The following PIK3CD variants were observed in gnomAD, a reference collection of about 807,000 sequenced individuals.
PIK3CD encodes phosphatidylinositol-4,5-bisphosphate 3-kinase catalytic subunit delta, also known as phosphatidylinositol 4,5-bisphosphate 3-kinase catalytic subunit delta isoform.
In PIK3CD, 20 loss-of-function variants were observed where a neutral mutation model predicts 122.9. The ratio of observed to expected loss-of-function variants is 0.16; its 90% CI spans 0.11 to 0.24. The LOEUF (loss-of-function observed/expected upper bound fraction) is 0.24, where lower values mean the gene tolerates loss of function less well. Among genes scored for constraint, PIK3CD ranks in the 10% least tolerant of loss-of-function variants. The pLI is 1.00. For synonymous variants in PIK3CD, 596 were observed against 593.4 expected, an observed-to-expected ratio of 1.00 and a Z score of -0.06; for missense variants, 787 against 1,406.3, an observed-to-expected ratio of 0.56 and a Z score of 7.04.
chr1:9,724,433 T>C lies in PIK3CD; in HGVS notation c.2864+12T>C, dbSNP rs1353377267. On this transcript the variant is annotated intron_variant, in intron 22 of 23. Coordinates refer to ENST00000377346, the MANE Select transcript of PIK3CD (RefSeq NM_005026.5). This position sits in a 1 kb window ranked among gnomAD's most constrained non-coding sequence, Gnocchi z 7.3. ...GAGAAATTTGAACGGTGAGAGTGCC[T>C]GAGCCCCACCAGATGCCCCTCGGTG... is the stretch of plus-strand genomic sequence containing the variant. 5 of 1,613,950 alleles carry C rather than the reference T, an allele frequency of 3.1e-6. No homozygotes were observed. The highest frequency in any genetic ancestry group is 2.5e-6 in the Non-Finnish European group (3 of 1,179,986).
At chr1:9,695,461 G>A (rs1056937471) in intron 2 of PIK3CD, among the ~76,000 whole-genome samples, 9 of 152,144 alleles carry the variant, frequency 5.9e-5, no homozygotes, top group African/African-American at 2.2e-4. Context: ...CAGAGATAGA[G>A]AGAAGTTACT....
chr1:9,638,432 TA>T, the PIK3CD span, among the ~76,000 whole-genome samples: 1 of 151,960 alleles, frequency 6.6e-6, no homozygotes, highest in Admixed American at 6.6e-5. Flanking sequence ...TCCGATGCTA[TA>T]AAAACTTCAA....
At chr1:9,647,002 T>C (rs1045406636), upstream of PIK3CD, among the ~76,000 whole-genome samples, 4 of 151,172 alleles carry the variant, frequency 2.6e-5, no homozygotes, top group African/African-American at 7.3e-5. Context: ...TCCCAACTAC[T>C]TGGGAGGCTG....
rs539876583 is a variant in PIK3CD, at chr1:9,685,370, A to G, written c.-137-6097A>G. Among the ~76,000 whole-genome samples the G allele has an allele frequency of 4.0e-5, 6 of 151,028 alleles. No individual in the cohort carries two copies. The East Asian group carries it at 1.2e-3, about 29-fold the overall frequency. Reference sequence around the variant, plus strand: ...TTGGTTATACTTAATTTATTTTTTTATTTTTTGAGATGGAGTCTCGCTCTG... The same window carrying G: ...TTGGTTATACTTAATTTATTTTTTTGTTTTTTGAGATGGAGTCTCGCTCTG... On this transcript the variant is annotated intron_variant, in intron 1 of 23. Coordinates refer to ENST00000377346, the MANE Select transcript of PIK3CD (RefSeq NM_005026.5).
chr1:9,708,211 TCTCA>T (rs1458362275), intron 2 of PIK3CD, among the ~76,000 whole-genome samples: 1 of 151,656 alleles, frequency 6.6e-6, no homozygotes, highest in African/African-American at 2.4e-5. Flanking sequence ...TTTGAGACAG[TCTCA>T]CTCTGTCATC....
intron 1 of PIK3CD, among the ~76,000 whole-genome samples, chr1:9,678,277 CTG>C (rs1404259725): frequency 6.6e-6 from 1 of 152,014 alleles, no homozygotes; most frequent in Non-Finnish European, 1.5e-5. Flanking sequence ...TAGGGAAACC[CTG>C]TGTCTACAAA....
chr1:9,698,928 T>C (rs1221347746), intron 2 of PIK3CD, among the ~76,000 whole-genome samples: 3 of 152,084 alleles, frequency 2.0e-5, no homozygotes, highest in Admixed American at 2.0e-4. Flanking sequence ...TGGCTCATGC[T>C]TGTGATCCCA....
chr1:9,657,736 A>C (rs1644900392), intron 1 of PIK3CD, among the ~76,000 whole-genome samples: 1 of 152,034 alleles, frequency 6.6e-6, no homozygotes, highest in African/African-American at 2.4e-5. Context: ...CTGAGGTCAC[A>C]CAGCCCCTCA....
At chr1:9,711,892 C>A (rs1647066517) in intron 3 of PIK3CD, among the ~76,000 whole-genome samples, 1 of 151,938 alleles carries the variant, frequency 6.6e-6, no homozygotes. Flanking sequence ...TAGTAAACAA[C>A]ATCTCTTTTT....
rs1196324884 is a variant in PIK3CD at position 9,655,691 on chromosome 1, TTTC to T, written c.-138+3895_-138+3897del. Among the ~76,000 whole-genome samples the T allele has an allele frequency of 8.4e-5, 12 of 142,286 alleles. No individual in the cohort carries two copies. The East Asian group carries it at 1.2e-3, about 14-fold the overall frequency. The allele number at this position is 142,286 out of a possible 152,430, so 93.3% of individuals were successfully genotyped here. On this transcript the variant is annotated intron_variant, in intron 1 of 23. Coordinates refer to ENST00000377346, the MANE Select transcript of PIK3CD (RefSeq NM_005026.5). ...CCTTTTCCTATTACTTTCTTTCTTT[TTTC>T]TTCTTTTTTTTTTTTTTTTTTGAGA...
At chr1:9,629,087 T>C in the PIK3CD span, among the ~76,000 whole-genome samples, 118 of 151,948 alleles carry the variant, frequency 7.8e-4, no homozygotes, top group East Asian at 0.019. Context: ...CCACCTGAGG[T>C]CACCTCTTCC....
At chr1:9,705,881 A>G (rs745328189) in intron 2 of PIK3CD, among the ~76,000 whole-genome samples, 5 of 152,160 alleles carry the variant, frequency 3.3e-5, no homozygotes, top group Non-Finnish European at 7.3e-5. Context: ...GACGGGCACC[A>G]CCGTCTTGAG....
chr1:9,653,608 C>T (rs1452439617), intron 1 of PIK3CD: 5 of 403,906 alleles, frequency 1.2e-5, no homozygotes, highest in Non-Finnish European at 1.9e-5. Flanking sequence ...ACACCCGCTG[C>T]TGCTGTTCAC....
chr1:9,687,217 G>C (rs1377471273), intron 1 of PIK3CD: 1 of 152,212 alleles, frequency 6.6e-6, no homozygotes, highest in East Asian at 1.9e-4. Flanking sequence ...ATTGCAGGAC[G>C]GGGCCGCTAG....
chr1:9,719,520 G>T lies in PIK3CD; in HGVS notation c.1243-401G>T, dbSNP rs1053996725. Among the ~76,000 whole-genome samples the T allele has an allele frequency of 9.2e-5, 14 of 152,194 alleles. No individual in the cohort carries two copies. Among genetic ancestry groups the T allele is most frequent in the African/African-American group, 2.4e-4 (10 of 41,442 alleles). On this transcript the variant is annotated intron_variant, in intron 9 of 23. Coordinates refer to ENST00000377346, the MANE Select transcript of PIK3CD (RefSeq NM_005026.5). This position sits in a 1 kb window ranked among gnomAD's most constrained non-coding sequence, Gnocchi z 5.5. ...CTGAAAATACAAAAAAATTAGCCGG[G>T]CGTGGAGGCACATGCCTGTAATCTC...
chr1:9,697,909 G>C (rs937213793), intron 2 of PIK3CD, among the ~76,000 whole-genome samples: 2 of 151,962 alleles, frequency 1.3e-5, no homozygotes, highest in African/African-American at 4.8e-5. Context: ...GCGTGCACCT[G>C]TAGTCCCAGC....
intron 2 of PIK3CD, among the ~76,000 whole-genome samples, chr1:9,707,854 C>A (rs566712038): frequency 6.7e-6 from 1 of 149,906 alleles, no homozygotes; most frequent in Admixed American, 6.7e-5. Context: ...AGTACAGTGG[C>A]GCGATCTCGG....
At chr1:9,670,676 C>T (rs1407471947) in intron 1 of PIK3CD, among the ~76,000 whole-genome samples, 1 of 152,034 alleles carries the variant, frequency 6.6e-6, no homozygotes, top group African/African-American at 2.4e-5. Context: ...TATGGGTACC[C>T]AAAAAGTTGC....
At chr1:9,645,604 ATT>A in the PIK3CD span, among the ~76,000 whole-genome samples, 42 of 131,744 alleles carry the variant, frequency 3.2e-4, no homozygotes, top group Non-Finnish European at 4.4e-4. Context: ...GGAATGGCTA[ATT>A]TTTTTTTTTT....
Sources: allele counts gnomAD v4.1 joint callset (sites outside exome capture counted in the v4.1 genomes callset), GRCh38; gene constraint gnomAD v4.1.1; non-coding constraint Gnocchi (gnomAD v3.1); transcripts MANE v1.5; gene names NCBI Gene and HGNC (gene_info 2026-07-23, HGNC 2026-07-21).